Variants in SVEP1 observed in about 807,000 individuals in gnomAD.
The protein encoded by SVEP1 is sushi, von Willebrand factor type A, EGF and pentraxin domain-containing protein 1.
In SVEP1, 164 loss-of-function variants were observed where a neutral mutation model predicts 367.3. That is an observed-to-expected ratio of 0.45 (90% confidence interval 0.39 to 0.51). SVEP1 has a LOEUF of 0.51. Among genes scored for constraint, SVEP1 ranks in the 20% least tolerant of loss-of-function variants. The pLI is 0.00. For synonymous variants in SVEP1, 1,666 were observed against 1,611.6 expected (o/e 1.03, Z -0.81); for missense variants, 4,117 against 4,425.3 (o/e 0.93, Z 1.98).
At chr9:110,447,124 T>A in intron 24 of SVEP1, 67 bp from the exon 25 acceptor site, 1 of 1,292,652 alleles carries the variant, frequency 7.7e-7, no homozygotes, top group South Asian at 2.4e-5. Flanking sequence ...ATGATAATCT[T>A]ATCTCGAAAG....
chr9:110,438,313 A>T (rs983580039), intron 27 of SVEP1, among the ~76,000 whole-genome samples: 1 of 151,320 alleles, frequency 6.6e-6, no homozygotes, highest in Non-Finnish European at 1.5e-5. Context: ...CAGCCTCCCA[A>T]ATAGATAGCT....
intron 1 of SVEP1, among the ~76,000 whole-genome samples, chr9:110,572,789 C>CAAAAAAAAAAAAAAAATAAAAAAA (rs1830580906): frequency 1.3e-5 from 1 of 76,526 alleles, no homozygotes; most frequent in Non-Finnish European, 2.5e-5. Context: ...CTCTCTCTCA[C>CAAAAAAAAAAAAAAAATAAAAAAA]AAAAAAAAAA....
chr9:110,525,865 C>T (rs759233784), intron 3 of SVEP1, among the ~76,000 whole-genome samples: 5 of 151,066 alleles, frequency 3.3e-5, no homozygotes, highest in African/African-American at 7.3e-5. Flanking sequence ...ACCATGGTGG[C>T]TTGCTGCACC....
At chr9:110,491,578 T>G (rs1829366363) in intron 8 of SVEP1, among the ~76,000 whole-genome samples, 1 of 129,102 alleles carries the variant, frequency 7.7e-6, no homozygotes. Context: ...CATTACATAT[T>G]TTATAGAATG....
chr9:110,499,277 C>A, intron 6 of SVEP1, 39 bp from the exon 7 acceptor site: 1 of 1,560,296 alleles, frequency 6.4e-7, no homozygotes, highest in Non-Finnish European at 8.7e-7. Flanking sequence ...TTTGTGTTCC[C>A]ACAAATTGGA....
intron 5 of SVEP1, among the ~76,000 whole-genome samples, chr9:110,505,978 C>T (rs62573123): frequency 0.097 from 14,804 of 152,112 alleles, 804 homozygotes; most frequent in African/African-American, 0.15. Context: ...AGTCCCCAAC[C>T]CTCTGACAGG....
At chr9:110,427,841 T>C (rs1325068500) in intron 35 of SVEP1, 83 bp from the exon 36 acceptor site, 1 of 1,483,002 alleles carries the variant, frequency 6.7e-7, no homozygotes, top group Non-Finnish European at 9.0e-7. Flanking sequence ...CTGGAGAAAA[T>C]AAGGGACATT....
intron 1 of SVEP1, among the ~76,000 whole-genome samples, chr9:110,565,589 T>C (rs553048084): frequency 8.5e-5 from 13 of 152,320 alleles, no homozygotes; most frequent in African/African-American, 3.1e-4. Flanking sequence ...GATATGATTA[T>C]ATCATGTAAG....
At chr9:110,512,739 G>A in intron 5 of SVEP1, 187 bp downstream of exon 5, 2 of 725,354 alleles carry the variant, frequency 2.8e-6, no homozygotes, top group Non-Finnish European at 4.6e-6. Flanking sequence ...AAAAGGCGTA[G>A]TTTACAATTA....
intron 3 of SVEP1, among the ~76,000 whole-genome samples, chr9:110,527,348 C>T (rs1274224615): frequency 6.6e-6 from 1 of 151,562 alleles, no homozygotes; most frequent in Non-Finnish European, 1.5e-5. Context: ...AAGTTATATC[C>T]AGAAATATTC....
At position 110,406,551 on chromosome 9, in the gene SVEP1, C is replaced by T. The variant is rs1827957313; in HGVS notation, c.9049G>A (p.Val3017Ile). The change falls in exon 38 of 48, where the codon GTC (valine) becomes ATC (isoleucine). Residue 3017 changes from valine to isoleucine, a missense_variant. By Grantham distance (29) the Val-to-Ile change is conservative. This residue lies in a region of SVEP1 where 1,765 missense variants were observed against 1,781.1 expected (regional missense o/e 0.99). Coordinates refer to ENST00000374469, the MANE Select transcript of SVEP1 (RefSeq NM_153366.4). ...CCACAGTCAAAATCTGTCCCATTGACAGTTCCATATTCAATTACTGGTGTG... is the reference window on the plus strand; with the variant it reads ...CCACAGTCAAAATCTGTCCCATTGATAGTTCCATATTCAATTACTGGTGTG... ...CSTPVIEYGT[V>I]NGTDFDCGKA... The T allele has an allele frequency of 1.9e-6, 3 of 1,613,632 alleles. No homozygotes were observed. Among genetic ancestry groups the T allele is most frequent in the Non-Finnish European group, 2.5e-6 (3 of 1,179,762 alleles).
At chr9:110,388,510 T>C (rs1827561035) in intron 41 of SVEP1, among the ~76,000 whole-genome samples, 1 of 152,006 alleles carries the variant, frequency 6.6e-6, no homozygotes, top group African/African-American at 2.4e-5. Flanking sequence ...GAGGGCTACT[T>C]TTCAGTATTA....
At chr9:110,429,885 T>C in intron 34 of SVEP1, 35 bp downstream of exon 34, 1 of 1,573,682 alleles carries the variant, frequency 6.4e-7, no homozygotes, top group African/African-American at 1.3e-5. Context: ...GCCATCAACA[T>C]CTTCTACAAT....
intron 16 of SVEP1, 42 bp from the exon 17 acceptor site, chr9:110,469,143 G>A (rs369469330): frequency 1.2e-5 from 18 of 1,552,784 alleles, no homozygotes; most frequent in Middle Eastern, 1.7e-4. Flanking sequence ...AAACTACAAC[G>A]GTGGAACACA....
In SVEP1 at chr9:110,579,446, C is replaced by T. The variant is rs1408330439; in HGVS notation, c.98G>A (p.Arg33His). 2 of 1,596,730 alleles carry T rather than the reference C, an allele frequency of 1.3e-6. No individual in the cohort carries two copies. Among genetic ancestry groups the T allele is most frequent in the Non-Finnish European group, 1.7e-6 (2 of 1,172,740 alleles). ...CCCGGGCGCGGTCTCGGGGAAGAGG[C>T]GGAAGCTGAAATTGCGCGACGGGGA... is the stretch of plus-strand genomic sequence containing the variant. ...QMSPSRNFSF[R>H]LFPETAPGAP... Residue 33 changes from arginine (R) to histidine (H), a missense_variant, in exon 1 of 48, where the codon CGC (arginine) becomes CAC (histidine). Around this residue, in one of 4 missense-constraint regions of SVEP1, gnomAD observed 161 missense variants for 122.4 expected, o/e 1.32. Transcript: ENST00000374469. This position sits in a 1 kb window ranked among gnomAD's most constrained non-coding sequence, Gnocchi z 5.3.
At position 110,507,127 on chromosome 9, in the gene SVEP1, G is replaced by A. The variant is rs16915074; in HGVS notation, c.1304-3910C>T. Among the ~76,000 whole-genome samples, 261 of 152,258 alleles carry A rather than the reference G, an allele frequency of 1.7e-3. 1 individual carries two copies. Among genetic ancestry groups the A allele is most frequent in the African/African-American group, 6.0e-3 (249 of 41,542 alleles). On this transcript the variant is annotated intron_variant, in intron 5 of 47. Coordinates refer to ENST00000374469, the MANE Select transcript of SVEP1 (RefSeq NM_153366.4). ...TTATAGATAGAACCTACAAGCATTG[G>A]ACATCGTACAAAAGACAGAAATAAC...
At chr9:110,414,175 A>T (rs960622721) in intron 36 of SVEP1, among the ~76,000 whole-genome samples, 1 of 152,106 alleles carries the variant, frequency 6.6e-6, no homozygotes, top group Non-Finnish European at 1.5e-5. Context: ...CCCACCCATT[A>T]GCAAAGATTA....
intron 43 of SVEP1, among the ~76,000 whole-genome samples, chr9:110,384,866 C>T (rs539970185): frequency 6.6e-6 from 1 of 152,304 alleles, no homozygotes; most frequent in South Asian, 2.1e-4. Flanking sequence ...CACTATGCAG[C>T]CTTGTGCCTT....
intron 39 of SVEP1, among the ~76,000 whole-genome samples, chr9:110,402,638 T>G (rs1182971664): frequency 6.6e-6 from 1 of 152,096 alleles, no homozygotes; most frequent in Non-Finnish European, 1.5e-5. Flanking sequence ...CACAGAGTTC[T>G]CCAGGGCTTA....
Sources: allele counts gnomAD v4.1 joint callset (sites outside exome capture counted in the v4.1 genomes callset), GRCh38; gene constraint gnomAD v4.1.1; regional missense constraint gnomAD v4.1.1; non-coding constraint Gnocchi (gnomAD v3.1); transcripts MANE v1.5; gene names NCBI Gene and HGNC (gene_info 2026-07-23, HGNC 2026-07-21).